NR3C2: variants seen among roughly 807,000 people sequenced by gnomAD.
NR3C2 encodes the protein mineralocorticoid receptor.
In NR3C2, 15 loss-of-function variants were observed where a neutral mutation model predicts 86.4. The observed-to-expected ratio is 0.17, with a 90% CI of 0.12 to 0.27. NR3C2 has a LOEUF of 0.27. NR3C2 is among the 10% of genes least tolerant of loss of function. The pLI, the probability that NR3C2 is intolerant of heterozygous loss-of-function variation, is 1.00. For missense variants in NR3C2, 960 were observed against 1,195.6 expected (o/e 0.80, Z 2.91); for synonymous variants, 458 against 450.5 (o/e 1.02, Z -0.21).
At chr4:148,397,176 C>A (rs946160106) in intron 2 of NR3C2, among the ~76,000 whole-genome samples, 1 of 152,242 alleles carries the variant, frequency 6.6e-6, no homozygotes, top group Non-Finnish European at 1.5e-5. Flanking sequence ...CAGCCCCCAC[C>A]ATTTCCCCGT....
rs1205318038 is a variant in NR3C2, at chr4:148,436,127, C to G, written c.734G>C (p.Gly245Ala). 1.2e-6 allele frequency: 2 copies of G among 1,614,094 alleles called. No individual in the cohort carries two copies. Among genetic ancestry groups the G allele is most frequent in the Admixed American group, 3.3e-5 (2 of 60,012 alleles). Residue 245 changes from glycine (G) to alanine (A), a missense_variant, in exon 2 of 9, where the codon GGC becomes GCC. By Grantham distance (60) the Gly-to-Ala change is moderately conservative. Around this residue, in one of 4 missense-constraint regions of NR3C2, gnomAD observed 680 missense variants for 719.0 expected, o/e 0.95. Coordinates refer to ENST00000358102, the MANE Select transcript of NR3C2 (RefSeq NM_000901.5). ...ATGTGCAGGGCTGTGCGACCTGGAG[C>G]CTCGATTTTCAACATTAGGGGAGCA... ...LTCSPNVENR[G>A]SRSHSPAHAS... is the part of the protein sequence containing the mutation.
chr4:148,252,785 C>T (rs1174528939), intron 3 of NR3C2, among the ~76,000 whole-genome samples: 1 of 152,132 alleles, frequency 6.6e-6, no homozygotes, highest in Non-Finnish European at 1.5e-5. Flanking sequence ...CTCAGTTTTT[C>T]CCTCTCTTGC....
At chr4:148,436,964 C>T (rs1560738172) in intron 1 of NR3C2, 102 bp from the exon 2 acceptor site, 1 of 927,086 alleles carries the variant, frequency 1.1e-6, no homozygotes, top group East Asian at 2.6e-5. Flanking sequence ...ACATATTCTA[C>T]TTATTATGAG....
At chr4:148,212,448 A>T (rs1337621824) in intron 3 of NR3C2, among the ~76,000 whole-genome samples, 1 of 152,208 alleles carries the variant, frequency 6.6e-6, no homozygotes, top group Non-Finnish European at 1.5e-5. Context: ...GCAACAGGCT[A>T]GTGCCTGGGG....
intron 3 of NR3C2, among the ~76,000 whole-genome samples, chr4:148,247,646 G>A (rs895047764): frequency 6.6e-6 from 1 of 150,980 alleles, no homozygotes; most frequent in Non-Finnish European, 1.5e-5. Context: ...TTTATTAGTG[G>A]GAATGGACCA....
At chr4:148,125,241 C>T (rs1369604121) in intron 6 of NR3C2, among the ~76,000 whole-genome samples, 1 of 152,252 alleles carries the variant, frequency 6.6e-6, no homozygotes, top group Non-Finnish European at 1.5e-5. Context: ...TTAGACTCCA[C>T]ACTTGATGTG....
intron 3 of NR3C2, among the ~76,000 whole-genome samples, chr4:148,250,522 C>T (rs1236874081): frequency 3.3e-5 from 5 of 152,140 alleles, no homozygotes; most frequent in East Asian, 1.9e-4. Context: ...AATTTCATTA[C>T]GTAACTTCCC....
At chr4:148,155,997 A>G (rs1734367013) in intron 4 of NR3C2, among the ~76,000 whole-genome samples, 1 of 152,212 alleles carries the variant, frequency 6.6e-6, no homozygotes, top group African/African-American at 2.4e-5. Context: ...ACCCGAGGAA[A>G]ACAAGCAATG....
intron 3 of NR3C2, among the ~76,000 whole-genome samples, chr4:148,226,177 G>C (rs1738151556): frequency 6.6e-6 from 1 of 151,964 alleles, no homozygotes; most frequent in African/African-American, 2.4e-5. Context: ...CTCCACTCTG[G>C]GCCTTTTGTT....
chr4:148,285,580 G>A (rs57042596), intron 2 of NR3C2, among the ~76,000 whole-genome samples: 6,114 of 152,074 alleles, frequency 0.04, 385 homozygotes, highest in African/African-American at 0.14. Context: ...GGTGACGTGC[G>A]CCTGTAGTCC....
intron 4 of NR3C2, among the ~76,000 whole-genome samples, chr4:148,155,504 CCAT>C (rs1734330274): frequency 6.6e-6 from 1 of 152,062 alleles, no homozygotes; most frequent in African/African-American, 2.4e-5. Context: ...GAGTGAACTC[CCAT>C]TCACAATTAC....
intron 2 of NR3C2, among the ~76,000 whole-genome samples, chr4:148,429,346 T>G (rs1749694030): frequency 6.6e-6 from 1 of 152,238 alleles, no homozygotes; most frequent in Non-Finnish European, 1.5e-5. Flanking sequence ...GAAATGAAAT[T>G]AAGTCATAGC....
At chr4:148,086,068 A>G (rs1730798800) in intron 8 of NR3C2, among the ~76,000 whole-genome samples, 1 of 152,196 alleles carries the variant, frequency 6.6e-6, no homozygotes, top group Non-Finnish European at 1.5e-5. Context: ...AGCTGGTACC[A>G]TTCCTTCTGA....
At chr4:148,124,216 C>G (rs1732642500) in intron 6 of NR3C2, among the ~76,000 whole-genome samples, 2 of 148,808 alleles carry the variant, frequency 1.3e-5, no homozygotes, top group African/African-American at 2.5e-5. Flanking sequence ...GCCTGGGTGA[C>G]AGAGTGAGAC....
chr4:148,442,574 A>G (rs72646917), upstream of NR3C2: 13 of 891,730 alleles, frequency 1.5e-5, no homozygotes, highest in African/African-American at 1.6e-4. Flanking sequence ...GCCCCCCTGA[A>G]CCCTTCCTAT....
At position 148,130,819 on chromosome 4, in the gene NR3C2, GTTT is replaced by G. The variant is rs376180676; in HGVS notation, c.2511-10534_2511-10532del. ...TTTTTGTTTTGTTTTGTTTTGTTTTGTTTTTTTTTTTTTTTTTTTTTTGAGACA... is the reference window on the plus strand; with the variant it reads ...TTTTTGTTTTGTTTTGTTTTGTTTTGTTTTTTTTTTTTTTTTTTTGAGACA... On this transcript the variant is annotated intron_variant, in intron 6 of 8. Transcript: ENST00000358102. Among the ~76,000 whole-genome samples the G allele has an allele frequency of 9.0e-3, 978 of 108,908 alleles. 11 individuals are homozygous for G. The highest frequency in any genetic ancestry group is 0.029 in the African/African-American group (770 of 26,980). The allele number at this position is 108,908 out of a possible 152,430, so 71.4% of individuals were successfully genotyped here.
chr4:148,244,252 T>G (rs2149852307), intron 3 of NR3C2, among the ~76,000 whole-genome samples: 1 of 152,326 alleles, frequency 6.6e-6, no homozygotes. Flanking sequence ...CTACATAGGT[T>G]TTGGGGTGAG....
chr4:148,152,406 G>C, intron 6 of NR3C2, 63 bp downstream of exon 6: 1 of 1,553,742 alleles, frequency 6.4e-7, no homozygotes. Flanking sequence ...AGAAATTACT[G>C]AAAGAAATCA....
intron 3 of NR3C2, among the ~76,000 whole-genome samples, chr4:148,224,237 TAG>T (rs1290462099): frequency 6.6e-6 from 1 of 151,692 alleles, no homozygotes; most frequent in African/African-American, 2.4e-5. Context: ...ATAAATGAGC[TAG>T]AGAGTCAAGA....
Sources: allele counts gnomAD v4.1 joint callset (sites outside exome capture counted in the v4.1 genomes callset), GRCh38; gene constraint gnomAD v4.1.1; regional missense constraint gnomAD v4.1.1; transcripts MANE v1.5; gene names NCBI Gene and HGNC (gene_info 2026-07-23, HGNC 2026-07-21).